Variants in APC2 observed in about 807,000 individuals in gnomAD.
APC2 encodes adenomatous polyposis coli protein 2.
Under a neutral mutation model 72.5 loss-of-function variants are expected in APC2, and 41 were observed. The ratio of observed to expected loss-of-function variants is 0.57; its 90% CI spans 0.44 to 0.73. The LOEUF (loss-of-function observed/expected upper bound fraction) is 0.73. Among genes scored for constraint, APC2 ranks in the 30% least tolerant of loss-of-function variants. The pLI, the probability that APC2 is intolerant of heterozygous loss-of-function variation, is 0.00. For missense variants in APC2, 3,729 were observed against 3,403.4 expected, an observed-to-expected ratio of 1.10 and a Z score of -2.38; for synonymous variants, 1,898 against 1,612.0, an observed-to-expected ratio of 1.18 and a Z score of -4.25.
chr19:1,454,563 C>CTTTTCTTTTTTTTTTTTTTTTT lies in APC2; in HGVS notation c.414-582_414-581insCTTTTTTTTTTTTTTTTTTTTT, dbSNP rs1569140915. ...CATCATGCCTGGCTAATCTTTTGTA[C>CTTTTCTTTTTTTTTTTTTTTTT]TTTTTTTTTTTTTTTTTTGAGACGG... On this transcript the variant is annotated intron_variant, in intron 4 of 14. Transcript: ENST00000590469. 1.0e-3 allele frequency among the ~76,000 whole-genome samples: 121 copies of CTTTTCTTTTTTTTTTTTTTTTT among 116,130 alleles called. 1 individual carries two copies. Among genetic ancestry groups the CTTTTCTTTTTTTTTTTTTTTTT allele is most frequent in the Non-Finnish European group, 1.7e-3 (103 of 59,452 alleles). 76.2% of individuals were successfully genotyped at this position (116,130 alleles called of 152,430 possible).
chr19:1,459,538 CTGAGA>C (rs1236452434), intron 10 of APC2, among the ~76,000 whole-genome samples: 1 of 152,218 alleles, frequency 6.6e-6, no homozygotes, highest in Non-Finnish European at 1.5e-5. Flanking sequence ...TGGAAGTTTT[CTGAGA>C]TATGTCCCTA....
In APC2 at chr19:1,468,194, G is replaced by C. The variant is rs1599161935; in HGVS notation, c.4893G>C (p.Arg1631=). The C allele has an allele frequency of 6.1e-6, 9 of 1,464,298 alleles. 1 individual carries two copies. The highest frequency in any genetic ancestry group is 8.1e-6 in the Non-Finnish European group (9 of 1,117,380). The allele number at this position is 1,464,298 out of a possible 1,614,324, so 90.7% of individuals were successfully genotyped here. ...GGGCCGCGGAGGAGCTTCTGCAGCG[G>C]TGCATCAGCTCGGCCCTGCCCAGGC... ...SPRAAEELLQ[R]CISSALPRRR... is the part of the protein sequence containing the mutation. The change falls in exon 15 of 15, where the codon CGG becomes CGC. Residue 1631 remains arginine, a synonymous_variant. Transcript: ENST00000590469.
rs201078362 is a variant in APC2, at chr19:1,456,290, G to A, written c.718-16G>A. 2.5e-6 allele frequency: 4 copies of A among 1,601,048 alleles called. No homozygotes were observed. The highest frequency in any genetic ancestry group is 3.4e-6 in the Non-Finnish European group (4 of 1,174,826). ...GCTCTGGGACTGTACCCCCGACCCT[G>A]GTGCTCTCCCTGCAGGCCTTGCTGG... On this transcript the variant is annotated splice_polypyrimidine_tract_variant and intron_variant, in intron 7 of 14. Transcript: ENST00000590469.
In APC2 at chr19:1,457,044, G is replaced by A. The variant is rs2083842113; in HGVS notation, c.1008G>A (p.Gly336=). 2 of 1,528,654 alleles carry A rather than the reference G, an allele frequency of 1.3e-6. No homozygotes were observed. Among genetic ancestry groups the A allele is most frequent in the Non-Finnish European group, 1.7e-6 (2 of 1,144,718 alleles). The allele number at this position is 1,528,654 out of a possible 1,614,324, so 94.7% of individuals were successfully genotyped here. Residue 336 remains glycine (G), a synonymous_variant, in exon 9 of 15, where the codon GGG becomes GGA. Transcript: ENST00000590469. ...CCGGGGGTCGCGCCGGGGCCCCAGG[G>A]GCACCGGGCGCCAAGGACGCACGCA... ...AAAGGRAGAP[G]APGAKDARMR...
At position 1,468,414 on chromosome 19, in the gene APC2, G is replaced by C. The variant is rs1190840684; in HGVS notation, c.5113G>C (p.Ala1705Pro). 1.9e-6 allele frequency: 3 copies of C among 1,589,992 alleles called. No homozygotes were observed. Among genetic ancestry groups the C allele is most frequent in the Non-Finnish European group, 1.7e-6 (2 of 1,169,116 alleles). The change falls in exon 15 of 15, where the codon GCT becomes CCT. Residue 1705 changes from alanine to proline, a missense_variant. Coordinates refer to ENST00000590469, the MANE Select transcript of APC2 (RefSeq NM_005883.3). ...TGTCACGTGGCTGCACCAGGCAGCA[G>C]CTGCCACGCGGGAGGCCTCGTCCGA... ...SIVTWLHQAA[A>P]ATREASSESD...
chr19:1,453,189 C>G, intron 2 of APC2, 47 bp downstream of exon 2: 3 of 1,567,762 alleles, frequency 1.9e-6, no homozygotes, highest in Middle Eastern at 1.8e-4. Context: ...GGGGTGGTGC[C>G]CCCCGGCAGC....
At chr19:1,462,994 G>C (rs1272813892) in intron 14 of APC2, among the ~76,000 whole-genome samples, 1 of 141,438 alleles carries the variant, frequency 7.1e-6, no homozygotes, top group Non-Finnish European at 1.5e-5. Flanking sequence ...AATTACTTCA[G>C]GCTGGGCTCG....
At position 1,457,685 on chromosome 19, in the gene APC2, G is replaced by A. The variant is rs759700841; in HGVS notation, c.1208-280G>A. The A allele has an allele frequency of 1.2e-3, 648 of 541,210 alleles. 2 individuals are homozygous for A. Among genetic ancestry groups the A allele is most frequent in the Non-Finnish European group, 1.6e-3 (473 of 299,758 alleles). 33.5% of individuals were successfully genotyped at this position (541,210 alleles called of 1,614,324 possible). A position where few individuals can be genotyped will look rare whatever the true frequency, so the allele number is the denominator to read the frequency against. ...TGCACTCCAGTCTGGACAACAGAGC[G>A]AGACCCTGTCTCGTCAGTTTTATTT... On this transcript the variant is annotated intron_variant, in intron 9 of 14. Coordinates refer to ENST00000590469, the MANE Select transcript of APC2 (RefSeq NM_005883.3).
In APC2 at chr19:1,460,818, C is replaced by G. The variant is rs368821154; in HGVS notation, c.1482C>G (p.Ile494Met). 21 of 1,613,184 alleles carry G rather than the reference C, an allele frequency of 1.3e-5. No individual in the cohort carries two copies. The highest frequency in any genetic ancestry group is 1.7e-5 in the Non-Finnish European group (20 of 1,179,964). The change falls in exon 12 of 15, where the codon ATC (isoleucine) becomes ATG (methionine). Residue 494 changes from isoleucine (I) to methionine (M), a missense_variant. By Grantham distance (10) the Ile-to-Met change is conservative (BLOSUM62 1). Transcript: ENST00000590469. ...CGCGCCGCGGCTGCATGGAGGCCAT[C>G]GTGGCCCAGCTGGCCTCCGACAGTG... ...LCARRGCMEA[I>M]VAQLASDSEE...
chr19:1,454,079 TCAGATGGGGCCATTGAAGAG>T (rs895872095), intron 4 of APC2, among the ~76,000 whole-genome samples: 10 of 151,850 alleles, frequency 6.6e-5, no homozygotes, highest in Non-Finnish European at 1.5e-4. Context: ...TCATGTGGGG[TCAGATGGGGCCATTGAAGAG>T]CAGCGTGGGG....
chr19:1,464,268 C>T (rs2083970583), intron 14 of APC2, among the ~76,000 whole-genome samples: 2 of 151,062 alleles, frequency 1.3e-5, no homozygotes, highest in African/African-American at 4.9e-5. Context: ...GAGATCATGC[C>T]ACTGCACTCC....
rs374378343 is a variant in APC2, at chr19:1,457,895, C to CCGGGGGGGGGGGGGGGGGG, written c.1208-70_1208-69insCGGGGGGGGGGGGGGGGGG. 6.2e-5 allele frequency: 77 copies of CCGGGGGGGGGGGGGGGGGG among 1,251,450 alleles called. 7 individuals are homozygous for CCGGGGGGGGGGGGGGGGGG. In the African/African-American group the frequency reaches 1.5e-3, roughly 25 times the overall value. 77.5% of individuals were successfully genotyped at this position (1,251,450 alleles called of 1,614,324 possible). A position where few individuals can be genotyped will look rare whatever the true frequency, so the allele number is the denominator to read the frequency against. On this transcript the variant is annotated intron_variant, in intron 9 of 14. Transcript: ENST00000590469. ...CTTCAGGCCTGGGGCGGGCGGGTTG[C>CCGGGGGGGGGGGGGGGGGG]GGGACCTTCGGGAGTCACCTGGGAC...
intron 8 of APC2, among the ~76,000 whole-genome samples, chr19:1,456,628 C>T (rs1041128583): frequency 6.6e-6 from 1 of 152,152 alleles, no homozygotes; most frequent in Non-Finnish European, 1.5e-5. Flanking sequence ...CCATAGACGT[C>T]CCCGTGGAGT....
chr19:1,453,695 G>A (rs371630840), intron 4 of APC2, 84 bp downstream of exon 4: 6 of 1,493,088 alleles, frequency 4.0e-6, no homozygotes, highest in African/African-American at 1.4e-5. Flanking sequence ...TCGCCCACCC[G>A]CATATGTCTC....
Position 1,468,368 on chromosome 19 carries a change from C to G in APC2, c.5067C>G (p.Ile1689Met). The part of the protein sequence containing the change: ...SDLDSVEWRA[I>M]QEGANSIVTW... Reference sequence around the variant, plus strand: ...TGGATAGCGTGGAGTGGCGCGCCATCCAGGAGGGCGCCAATTCAATTGTCA... The same window carrying G: ...TGGATAGCGTGGAGTGGCGCGCCATGCAGGAGGGCGCCAATTCAATTGTCA... Residue 1689 changes from isoleucine to methionine, a missense_variant, in exon 15 of 15, where the codon ATC (isoleucine) becomes ATG (methionine). Physicochemically the swap from Ile to Met is conservative, Grantham distance 10. Transcript: ENST00000590469. 6.3e-7 allele frequency: 1 copy of G among 1,575,106 alleles called. No individual in the cohort carries two copies. Among genetic ancestry groups the G allele is most frequent in the Non-Finnish European group, 8.6e-7 (1 of 1,159,086 alleles).
Position 1,457,084 on chromosome 19 carries a change from G to A in APC2, c.1048G>A (p.Ala350Thr). ...AKDARMRANA[A>T]LHNIVFSQPD... ...GGACGCACGCATGCGCGCCAACGCG[G>A]CGCTGCACAACATCGTCTTCTCGCA... The change falls in exon 9 of 15, where the codon GCG (alanine) becomes ACG (threonine). Residue 350 changes from alanine to threonine, a missense_variant. Physicochemically the swap from Ala to Thr is moderately conservative, Grantham distance 58. Transcript: ENST00000590469. The A allele has an allele frequency of 1.9e-6, 3 of 1,567,398 alleles. No individual in the cohort carries two copies. Among genetic ancestry groups the A allele is most frequent in the Non-Finnish European group, 2.6e-6 (3 of 1,162,244 alleles).
Position 1,468,040 on chromosome 19 carries a change from GCTC to G in APC2, c.4744_4746del (p.Ser1582del). ...GAGACCCCGCCCTGCTACTCCCTGA[GCTC>G]CTCCGCCAGCTCCCTCAGCGAGCCC... On this transcript the variant is annotated inframe_deletion, in exon 15 of 15. Transcript: ENST00000590469. 1 of 1,580,944 alleles carries G rather than the reference GCTC, an allele frequency of 6.3e-7. No individual in the cohort carries two copies. The highest frequency in any genetic ancestry group is 1.1e-5 in the South Asian group (1 of 89,092).
upstream of APC2, among the ~76,000 whole-genome samples, chr19:1,446,530 C>G (rs921459950): frequency 2.0e-5 from 3 of 151,832 alleles, no homozygotes; most frequent in Non-Finnish European, 4.4e-5. This position sits in a 1 kb window ranked among gnomAD's most constrained non-coding sequence, Gnocchi z 6.1. Flanking sequence ...GGAAGGCTGG[C>G]GGGGATGGAA....
intron 14 of APC2, among the ~76,000 whole-genome samples, chr19:1,464,632 C>CTTTTTTTT (rs1010096440): frequency 8.1e-6 from 1 of 123,716 alleles, no homozygotes; most frequent in African/African-American, 3.3e-5. Context: ...CTGTTTTTTC[C>CTTTTTTTT]TTTTTTTTTT....
Sources: allele counts gnomAD v4.1 joint callset (sites outside exome capture counted in the v4.1 genomes callset), GRCh38; gene constraint gnomAD v4.1.1; non-coding constraint Gnocchi (gnomAD v3.1); transcripts MANE v1.5; gene names NCBI Gene and HGNC (gene_info 2026-07-23, HGNC 2026-07-21).